The following CNTN5 variants were observed in gnomAD, a reference collection of about 807,000 sequenced individuals.
The protein encoded by CNTN5 is contactin 5, also known as contactin-5.
In CNTN5, 77 loss-of-function variants were observed where a neutral mutation model predicts 129.1. The observed-to-expected ratio is 0.60, with a 90% CI of 0.50 to 0.72. The LOEUF (loss-of-function observed/expected upper bound fraction) is 0.72. Ranked by LOEUF, CNTN5 falls within the 30% of genes least tolerant of loss-of-function variation. CNTN5 has a pLI of 0.00. For synonymous variants in CNTN5, 509 were observed against 465.6 expected, an observed-to-expected ratio of 1.09 and a Z score of -1.20; for missense variants, 1,478 against 1,328.8, an observed-to-expected ratio of 1.11 and a Z score of -1.75.
chr11:99,222,979 T>A (rs1860475487), intron 1 of CNTN5, among the ~76,000 whole-genome samples: 1 of 152,160 alleles, frequency 6.6e-6, no homozygotes, highest in Non-Finnish European at 1.5e-5. Flanking sequence ...TCAATAGTGA[T>A]CATGGCCCTC....
At chr11:99,742,680 A>G (rs723641) in intron 3 of CNTN5, among the ~76,000 whole-genome samples, 36,941 of 152,066 alleles carry the variant, frequency 0.24, 4,828 homozygotes, top group Admixed American at 0.36. Context: ...ATTCCATGAC[A>G]AGTCAGCAGC....
At chr11:99,181,956 A>T (rs989965467) in intron 1 of CNTN5, among the ~76,000 whole-genome samples, 2 of 152,150 alleles carry the variant, frequency 1.3e-5, no homozygotes, top group Non-Finnish European at 2.9e-5. Context: ...ATATAAAATG[A>T]CCTTTAACTC....
At chr11:100,166,894 A>C (rs980818373) in intron 13 of CNTN5, among the ~76,000 whole-genome samples, 3 of 151,842 alleles carry the variant, frequency 2.0e-5, no homozygotes, top group Non-Finnish European at 4.4e-5. Context: ...TAAAAGATAC[A>C]TTAGAAATCA....
At chr11:100,319,202 G>C (rs1271454557) in intron 21 of CNTN5, among the ~76,000 whole-genome samples, 1 of 150,184 alleles carries the variant, frequency 6.7e-6, no homozygotes, top group Non-Finnish European at 1.5e-5. Flanking sequence ...GCCCAGGCTG[G>C]AGTGCCATGG....
At chr11:100,159,558 G>C (rs1947370516) in intron 13 of CNTN5, among the ~76,000 whole-genome samples, 2 of 151,956 alleles carry the variant, frequency 1.3e-5, no homozygotes, top group East Asian at 3.9e-4. Flanking sequence ...TGTATTTAGA[G>C]TTTCTTTCAT....
intron 15 of CNTN5, among the ~76,000 whole-genome samples, chr11:100,209,805 G>A (rs1349204302): frequency 3.9e-5 from 6 of 152,266 alleles, no homozygotes; most frequent in Admixed American, 1.3e-4. Flanking sequence ...AAAGTATACT[G>A]CATGTTACAT....
chr11:99,847,814 G>T lies in CNTN5; in HGVS notation c.577+2552G>T, dbSNP rs943792353. ...CTATAGGATTCGGGGACTCAGAATC[G>T]TTCAAAGATTAGGGAGAGAAACTGA... On this transcript the variant is annotated intron_variant, in intron 6 of 24. Transcript: ENST00000524871. Among the ~76,000 whole-genome samples the T allele has an allele frequency of 3.9e-5, 6 of 152,088 alleles. No homozygotes were observed. In the East Asian group the frequency reaches 9.6e-4, roughly 24 times the overall value.
intron 1 of CNTN5, among the ~76,000 whole-genome samples, chr11:99,250,490 A>G (rs900782189): frequency 4.6e-5 from 7 of 151,962 alleles, no homozygotes; most frequent in African/African-American, 1.7e-4. Flanking sequence ...GTTTGACAGT[A>G]GTGTCCACTC....
intron 19 of CNTN5, among the ~76,000 whole-genome samples, chr11:100,298,570 C>T (rs1591491427): frequency 6.6e-6 from 1 of 151,196 alleles, no homozygotes; most frequent in Admixed American, 6.6e-5. Flanking sequence ...TGGCTGGTAA[C>T]TTTTCCACAT....
intron 2 of CNTN5, among the ~76,000 whole-genome samples, chr11:99,514,937 G>A (rs1029104784): frequency 6.6e-6 from 1 of 152,050 alleles, no homozygotes; most frequent in African/African-American, 2.4e-5. Flanking sequence ...ACCTATCATG[G>A]TTAAAGAAAG....
intron 3 of CNTN5, among the ~76,000 whole-genome samples, chr11:99,598,290 T>C (rs1368145079): frequency 0.013 from 72 of 5,424 alleles, no homozygotes; most frequent in Non-Finnish European, 0.026. Context: ...TTTTCTTTTC[T>C]TTTCTTTTCT....
chr11:99,921,129 C>T (rs1565679373), intron 7 of CNTN5, among the ~76,000 whole-genome samples: 1 of 152,136 alleles, frequency 6.6e-6, no homozygotes, highest in African/African-American at 2.4e-5. Flanking sequence ...AAATAAATTT[C>T]TGTTGTTTAA....
intron 1 of CNTN5, among the ~76,000 whole-genome samples, chr11:99,182,512 G>A (rs1258970675): frequency 6.6e-6 from 1 of 152,036 alleles, no homozygotes; most frequent in East Asian, 1.9e-4. Flanking sequence ...TACCCAAAGT[G>A]GGTAACATCT....
chr11:100,159,194 T>TTGTC (rs1947356195), intron 13 of CNTN5, among the ~76,000 whole-genome samples: 1 of 151,710 alleles, frequency 6.6e-6, no homozygotes, highest in Non-Finnish European at 1.5e-5. Context: ...TTGCATAGAT[T>TTGTC]TGTCTTGTGA....
chr11:99,687,064 G>A (rs1311627283), intron 3 of CNTN5, among the ~76,000 whole-genome samples: 2 of 152,144 alleles, frequency 1.3e-5, no homozygotes, highest in Non-Finnish European at 2.9e-5. Context: ...TACGTGAAGA[G>A]CTCTATTCAG....
In CNTN5 at chr11:99,414,876, G is replaced by GT. The variant is rs201896359; in HGVS notation, c.-71+89395dup. 8.4e-3 allele frequency among the ~76,000 whole-genome samples: 1,279 copies of GT among 152,290 alleles called. 8 individuals carry two copies. Among genetic ancestry groups the GT allele is most frequent in the Non-Finnish European group, 0.011 (773 of 68,014 alleles). On this transcript the variant is annotated intron_variant, in intron 2 of 24. Coordinates refer to ENST00000524871, the MANE Select transcript of CNTN5 (RefSeq NM_014361.4). ...GGTCAGAGTAAGGATACTGAATATA[G>GT]TTTAACAAGGAAGGAAAGCATTTTG...
intron 15 of CNTN5, among the ~76,000 whole-genome samples, chr11:100,199,801 T>C (rs955018956): frequency 2.6e-5 from 4 of 151,990 alleles, no homozygotes; most frequent in African/African-American, 7.2e-5. Context: ...ATTTCATGTA[T>C]TGATGATAAA....
intron 3 of CNTN5, among the ~76,000 whole-genome samples, chr11:99,602,623 G>A (rs1378491133): frequency 2.0e-5 from 3 of 152,154 alleles, no homozygotes; most frequent in African/African-American, 7.2e-5. Flanking sequence ...CTACTTTATG[G>A]GAAGGTCTGG....
intron 9 of CNTN5, among the ~76,000 whole-genome samples, chr11:100,014,958 G>A (rs1940744585): frequency 1.3e-5 from 2 of 152,104 alleles, no homozygotes; most frequent in South Asian, 4.1e-4. Flanking sequence ...CACTACGGGT[G>A]ACCATTTAGG....
Sources: allele counts gnomAD v4.1 joint callset (sites outside exome capture counted in the v4.1 genomes callset), GRCh38; gene constraint gnomAD v4.1.1; transcripts MANE v1.5; gene names NCBI Gene and HGNC (gene_info 2026-07-23, HGNC 2026-07-21).